Variants in COPG2 observed in about 807,000 individuals in gnomAD.
The protein encoded by COPG2 is coatomer subunit gamma-2.
A neutral mutation model predicts 46.3 loss-of-function variants in COPG2; 37 were observed. The ratio of observed to expected loss-of-function variants is 0.80; its 90% CI spans 0.61 to 1.05. The LOEUF is 1.05. COPG2 is among the 50% of genes least tolerant of loss of function. The pLI is 0.00. For missense variants in COPG2, 427 were observed against 387.8 expected (o/e 1.10, Z -0.85); for synonymous variants, 159 against 129.7 (o/e 1.23, Z -1.53).
intron 5 of COPG2, among the ~76,000 whole-genome samples, chr7:130,636,794 G>GA (rs1292765932): frequency 5.3e-5 from 8 of 152,230 alleles, no homozygotes; most frequent in African/African-American, 1.9e-4. Context: ...TTGCCCATTA[G>GA]TTGATGCAGT....
chr7:130,613,775 A>G (rs1365280906), intron 6 of COPG2, 139 bp from the exon 7 acceptor site: 4 of 624,946 alleles, frequency 6.4e-6, no homozygotes, highest in African/African-American at 5.5e-5. Context: ...AAAGGATGAT[A>G]ATATAGTAAT....
chr7:130,535,634 T>G (rs1799871199), intron 20 of COPG2, among the ~76,000 whole-genome samples: 5 of 25,778 alleles, frequency 1.9e-4, no homozygotes, highest in East Asian at 1.1e-3. Flanking sequence ...CAGGGAAGGG[T>G]GGGCTGGGTG....
intron 11 of COPG2, among the ~76,000 whole-genome samples, chr7:130,563,000 T>C (rs1304435139): frequency 2.5e-4 from 38 of 152,208 alleles, no homozygotes; most frequent in Admixed American, 2.0e-3. Flanking sequence ...TTAATTTAAA[T>C]TGAAATAGCC....
At chr7:130,543,520 A>G (rs1793378158) in intron 20 of COPG2, among the ~76,000 whole-genome samples, 1 of 152,222 alleles carries the variant, frequency 6.6e-6, no homozygotes, top group South Asian at 2.1e-4. Flanking sequence ...CTGAAGGATG[A>G]GCTTCATCAG....
At chr7:130,555,192 G>A (rs1793602313) in intron 12 of COPG2, 60 bp from the exon 13 acceptor site, 2 of 395,818 alleles carry the variant, frequency 5.1e-6, no homozygotes, top group Admixed American at 4.4e-5. Flanking sequence ...CCTATAAAAA[G>A]CAAACAGAGA....
intron 9 of COPG2, among the ~76,000 whole-genome samples, chr7:130,605,046 T>C (rs1405122697): frequency 6.6e-6 from 1 of 152,248 alleles, no homozygotes; most frequent in Admixed American, 6.5e-5. Flanking sequence ...ATATATCTTT[T>C]TTGCTCCATT....
intron 20 of COPG2, among the ~76,000 whole-genome samples, chr7:130,522,757 A>G (rs1053218324): frequency 3.9e-5 from 6 of 152,100 alleles, no homozygotes; most frequent in Admixed American, 2.0e-4. Context: ...GAAGTATAAA[A>G]AGCACATGAA....
At chr7:130,590,785 G>C (rs1292119973) in intron 9 of COPG2, among the ~76,000 whole-genome samples, 1 of 151,304 alleles carries the variant, frequency 6.6e-6, no homozygotes. Context: ...GTCTCTGCCT[G>C]GCCGCCCATC....
intron 9 of COPG2, among the ~76,000 whole-genome samples, chr7:130,576,512 G>T (rs574563465): frequency 3.0e-4 from 45 of 152,196 alleles, no homozygotes; most frequent in Non-Finnish European, 5.7e-4. Context: ...AGAATTCTTC[G>T]AACTGAACAA....
intron 20 of COPG2, among the ~76,000 whole-genome samples, chr7:130,514,096 G>A (rs1799654455): frequency 6.6e-6 from 1 of 152,228 alleles, no homozygotes; most frequent in South Asian, 2.1e-4. Context: ...TCAGTCAAAT[G>A]TTGGCTCTTA....
intron 6 of COPG2, among the ~76,000 whole-genome samples, chr7:130,616,577 G>C (rs781894714): frequency 6.6e-6 from 1 of 152,114 alleles, no homozygotes; most frequent in Non-Finnish European, 1.5e-5. Flanking sequence ...GCGAAAGCAC[G>C]AGACTCCGAC....
At chr7:130,527,005 G>A (rs1475945877) in intron 20 of COPG2, among the ~76,000 whole-genome samples, 1 of 151,736 alleles carries the variant, frequency 6.6e-6, no homozygotes, top group African/African-American at 2.4e-5. Context: ...TTACTTAATT[G>A]AGCTGGTGGA....
chr7:130,594,902 A>G (rs1554449523), intron 9 of COPG2, among the ~76,000 whole-genome samples: 2 of 152,182 alleles, frequency 1.3e-5, no homozygotes, highest in African/African-American at 4.8e-5. Context: ...TGGGCTCTCA[A>G]ACACTACTGA....
intron 9 of COPG2, among the ~76,000 whole-genome samples, chr7:130,603,656 G>A (rs1258351018): frequency 1.3e-5 from 2 of 150,388 alleles, no homozygotes; most frequent in Non-Finnish European, 3.0e-5. Context: ...GGGAGGCAGA[G>A]GTTGCAGTGA....
intron 9 of COPG2, among the ~76,000 whole-genome samples, chr7:130,591,110 CCCGGCCAGCTGCCCCGT>C (rs1794403153): frequency 3.3e-5 from 4 of 120,294 alleles, no homozygotes; most frequent in Admixed American, 1.7e-4. Flanking sequence ...CAGCCCCCCG[CCCGGCCAGCTGCCCCGT>C]CCGGAAGGGA....
chr7:130,630,438 T>C (rs1179151502), intron 5 of COPG2, among the ~76,000 whole-genome samples: 3 of 152,368 alleles, frequency 2.0e-5, no homozygotes, highest in Middle Eastern at 3.4e-3. Flanking sequence ...TATTACTTCC[T>C]GTAGCTTTTG....
At chr7:130,631,234 T>A (rs1257075847) in intron 5 of COPG2, among the ~76,000 whole-genome samples, 1 of 146,986 alleles carries the variant, frequency 6.8e-6, no homozygotes, top group African/African-American at 2.5e-5. Flanking sequence ...TGCAGTGGCA[T>A]CATCTGGGCT....
intron 5 of COPG2, 75 bp from the exon 6 acceptor site, chr7:130,617,140 A>G (rs2116514687): frequency 1.2e-6 from 1 of 801,070 alleles, no homozygotes; most frequent in East Asian, 2.6e-5. Context: ...GCCAATTTCC[A>G]ATTGTCCCAT....
chr7:130,624,688 T>C (rs1795088938), intron 5 of COPG2, among the ~76,000 whole-genome samples: 1 of 152,234 alleles, frequency 6.6e-6, no homozygotes. Context: ...CCATTCAAGT[T>C]ACTTGACTTA....
Sources: gnomAD v4.1 joint callset for allele counts (sites outside exome capture counted in the v4.1 genomes callset) on GRCh38, gnomAD v4.1.1 for gene constraint, MANE v1.5 for transcripts, NCBI Gene and HGNC (gene_info 2026-07-23, HGNC 2026-07-21) for gene names.